The following AOPEP variants were observed in gnomAD, a reference collection of about 807,000 sequenced individuals.
AOPEP encodes the protein aminopeptidase O.
In AOPEP, 77 loss-of-function variants were observed where a neutral mutation model predicts 98.1. That is an observed-to-expected ratio of 0.78 (90% CI 0.65 to 0.95). The LOEUF is 0.95. AOPEP is among the 40% of genes least tolerant of loss of function. The probability of loss-of-function intolerance (pLI) is 0.00; values close to 1 mark genes in which losing one functional copy is unlikely to be tolerated. For synonymous variants in AOPEP, 346 were observed against 365.3 expected, an observed-to-expected ratio of 0.95 and a Z score of 0.60; for missense variants, 1,024 against 1,024.7, an observed-to-expected ratio of 1.00 and a Z score of 0.01.
chr9:94,883,143 G>A (rs2047788736), intron 5 of AOPEP, among the ~76,000 whole-genome samples: 1 of 152,170 alleles, frequency 6.6e-6, no homozygotes, highest in Admixed American at 6.5e-5. Context: ...AAACAAGAGA[G>A]CGCACACAAT....
At chr9:95,059,480 G>C (rs1042590638) in intron 13 of AOPEP, among the ~76,000 whole-genome samples, 3 of 151,266 alleles carry the variant, frequency 2.0e-5, no homozygotes, top group African/African-American at 7.3e-5. Flanking sequence ...CTTGCTGTCT[G>C]CCCGTTGCCC....
At chr9:95,127,757 C>T in the AOPEP span, among the ~76,000 whole-genome samples, 5 of 152,236 alleles carry the variant, frequency 3.3e-5, no homozygotes, top group African/African-American at 1.2e-4. Flanking sequence ...TGCCCTGGAT[C>T]ACACTGAGGC....
chr9:94,760,455 T>A lies in AOPEP; in HGVS notation c.672T>A (p.Thr224=). The change falls in exon 2 of 17, where the codon ACT becomes ACA. Residue 224 remains threonine (T), a synonymous_variant. Transcript: ENST00000375315. ...GGGAACTCCTCTTTGACACTGACAC[T>A]TGGAGCTTGCAGATAAGGAAGACAG... is the stretch of plus-strand genomic sequence containing the variant. ...GCGELLFDTD[T]WSLQIRKTGA... 6.2e-7 allele frequency: 1 copy of A among 1,613,630 alleles called. No individual in the cohort carries two copies. Among genetic ancestry groups the A allele is most frequent in the Non-Finnish European group, 8.5e-7 (1 of 1,179,830 alleles).
At chr9:94,761,771 T>C (rs985429791) in intron 2 of AOPEP, among the ~76,000 whole-genome samples, 1 of 152,204 alleles carries the variant, frequency 6.6e-6, no homozygotes, top group African/African-American at 2.4e-5. Flanking sequence ...TGGTGCAAAC[T>C]TACCTCAGTA....
intron 13 of AOPEP, 58 bp from the exon 14 acceptor site, chr9:95,060,636 G>GGT: frequency 9.1e-7 from 1 of 1,094,006 alleles, no homozygotes; most frequent in Non-Finnish European, 1.4e-6. Flanking sequence ...TGAACATTTG[G>GGT]GTGTTGTTTC....
intron 4 of AOPEP, 77 bp downstream of exon 4, chr9:94,792,995 C>A: frequency 7.0e-7 from 1 of 1,438,082 alleles, no homozygotes; most frequent in South Asian, 1.4e-5. Flanking sequence ...TTCTTCCAAG[C>A]ACTGGGAATG....
intron 2 of AOPEP, chr9:94,763,014 A>G (rs1233144416): frequency 2.9e-6 from 1 of 340,068 alleles, no homozygotes; most frequent in African/African-American, 2.2e-5. Context: ...GTCTACATTT[A>G]TTAAAACTAA....
the AOPEP span, among the ~76,000 whole-genome samples, chr9:95,146,281 G>T: frequency 6.6e-6 from 1 of 151,938 alleles, no homozygotes; most frequent in Non-Finnish European, 1.5e-5. Context: ...GAGCCCAGGA[G>T]TTCAAGACCA....
At position 94,862,283 on chromosome 9, in the gene AOPEP, C is replaced by T. The variant is rs930624837; in HGVS notation, c.1364+61281C>T. Among the ~76,000 whole-genome samples, 4 of 152,176 alleles carry T rather than the reference C, an allele frequency of 2.6e-5. No individual in the cohort carries two copies. The South Asian group carries it at 8.3e-4, about 31-fold the overall frequency. On this transcript the variant is annotated intron_variant, in intron 5 of 16. Transcript: ENST00000375315. ...AAAAACAGTGTTCTTGGGCCTCAGG[C>T]ATACCTCAGGGCGATGCTCAGGGAT...
intron 1 of AOPEP, among the ~76,000 whole-genome samples, chr9:94,728,239 G>GCACACACAGA (rs1829700467): frequency 6.8e-6 from 1 of 146,512 alleles, no homozygotes; most frequent in Non-Finnish European, 1.5e-5. Flanking sequence ...GTGCGCGCAT[G>GCACACACAGA]CACACACACA....
chr9:94,834,103 G>A (rs912398823), intron 5 of AOPEP, among the ~76,000 whole-genome samples: 2 of 152,004 alleles, frequency 1.3e-5, no homozygotes, highest in South Asian at 2.1e-4. Flanking sequence ...TGACACTACC[G>A]GAATACAGAG....
chr9:94,905,232 T>C (rs1200824676), intron 5 of AOPEP, among the ~76,000 whole-genome samples: 1 of 151,404 alleles, frequency 6.6e-6, no homozygotes, highest in Non-Finnish European at 1.5e-5. Flanking sequence ...CTTCTTCTCA[T>C]CCTTTTTTTC....
intron 6 of AOPEP, among the ~76,000 whole-genome samples, chr9:94,927,607 G>A (rs535437307): frequency 6.6e-6 from 1 of 152,260 alleles, no homozygotes; most frequent in East Asian, 1.9e-4. Flanking sequence ...TGGGCAAGGG[G>A]GCATCTGGGT....
At chr9:94,815,565 A>G (rs958720414) in intron 5 of AOPEP, among the ~76,000 whole-genome samples, 1 of 151,700 alleles carries the variant, frequency 6.6e-6, no homozygotes, top group Admixed American at 6.6e-5. Flanking sequence ...GTATCCTCCT[A>G]TTCCTTTGGA....
chr9:94,917,842 C>A (rs1028124674), intron 5 of AOPEP, among the ~76,000 whole-genome samples: 1 of 152,138 alleles, frequency 6.6e-6, no homozygotes, highest in Non-Finnish European at 1.5e-5. Context: ...TTGTAATGAG[C>A]TTCCTTCGTC....
Position 95,005,166 on chromosome 9 carries a change from G to C in AOPEP, c.1986G>C (p.Gln662His), listed in dbSNP as rs1268153093. 11 of 1,153,560 alleles carry C rather than the reference G, an allele frequency of 9.5e-6. No homozygotes were observed. Among genetic ancestry groups the C allele is most frequent in the Non-Finnish European group, 1.2e-5 (11 of 933,956 alleles). The allele number at this position is 1,153,560 out of a possible 1,614,324, so 71.5% of individuals were successfully genotyped here. Residue 662 changes from glutamine to histidine, a missense_variant, in exon 12 of 17, where the codon CAG (glutamine) becomes CAC (histidine). Gln to His is a conservative substitution (Grantham distance 24). Transcript: ENST00000375315. ...LESSGIPKPL[Q>H]RERRAGAECG... is the part of the protein sequence containing the mutation. ...GTCCTCTTCCCCCGCAGCCGCTGCAGAGGGAGCGTCGCGCCGGGGCGGAGT... is the reference window on the plus strand; with the variant it reads ...GTCCTCTTCCCCCGCAGCCGCTGCACAGGGAGCGTCGCGCCGGGGCGGAGT...
chr9:94,800,722 A>C, intron 4 of AOPEP, 35 bp from the exon 5 acceptor site: 15 of 1,609,354 alleles, frequency 9.3e-6, no homozygotes, highest in Non-Finnish European at 1.1e-5. Flanking sequence ...AAGAATAATA[A>C]ACATGTTTTA....
chr9:94,820,435 A>G lies in AOPEP; in HGVS notation c.1364+19433A>G, dbSNP rs1340698266. ...AGATAGAACACACACCCTATTTTAC[A>G]CTGTGCTTTTGTCAATTATCATTAT... is the stretch of plus-strand genomic sequence containing the variant. On this transcript the variant is annotated intron_variant, in intron 5 of 16. Coordinates refer to ENST00000375315, the MANE Select transcript of AOPEP (RefSeq NM_001193329.3). Among the ~76,000 whole-genome samples the G allele has an allele frequency of 2.0e-5, 3 of 152,126 alleles. No homozygotes were observed. In the East Asian group the frequency reaches 5.8e-4, roughly 29 times the overall value.
At chr9:95,007,391 G>T (rs924661588) in intron 13 of AOPEP, among the ~76,000 whole-genome samples, 4 of 148,866 alleles carry the variant, frequency 2.7e-5, no homozygotes, top group African/African-American at 1.0e-4. Flanking sequence ...GAGAAAGTGG[G>T]GGGGGGACTG....
Sources: allele counts gnomAD v4.1 joint callset (sites outside exome capture counted in the v4.1 genomes callset), GRCh38; gene constraint gnomAD v4.1.1; transcripts MANE v1.5; gene names NCBI Gene and HGNC (gene_info 2026-07-23, HGNC 2026-07-21).